NRIP1: variants seen among roughly 807,000 people sequenced by gnomAD.
The protein encoded by NRIP1 is nuclear receptor interacting protein 1.
A neutral mutation model predicts 75.0 loss-of-function variants in NRIP1; 28 were observed. The observed-to-expected ratio is 0.37, with a 90% confidence interval of 0.28 to 0.51. The LOEUF is 0.51. Among genes scored for constraint, NRIP1 ranks in the 20% least tolerant of loss-of-function variants. The pLI is 0.92. For missense variants in NRIP1, 1,435 were observed against 1,343.7 expected (o/e 1.07, Z -1.06); for synonymous variants, 526 against 487.6 (o/e 1.08, Z -1.04).
chr21:14,988,535 C>A (rs2087476201), intron 3 of NRIP1, among the ~76,000 whole-genome samples: 1 of 125,496 alleles, frequency 8.0e-6, no homozygotes, highest in South Asian at 2.5e-4. Context: ...ATATATATAT[C>A]CTGAAAAACT....
intron 3 of NRIP1, among the ~76,000 whole-genome samples, chr21:15,008,149 G>C (rs780515362): frequency 3.3e-5 from 5 of 152,182 alleles, no homozygotes; most frequent in Non-Finnish European, 7.3e-5. Context: ...GCCAAGGTAA[G>C]AGAGTAGGGA....
chr21:15,044,504 T>C (rs1006015331), intron 1 of NRIP1, among the ~76,000 whole-genome samples: 1 of 151,490 alleles, frequency 6.6e-6, no homozygotes, highest in African/African-American at 2.4e-5. Flanking sequence ...ATAAGGGAGG[T>C]ACCATGCGAA....
chr21:15,042,935 A>T (rs1006655762), intron 2 of NRIP1, among the ~76,000 whole-genome samples: 2 of 152,226 alleles, frequency 1.3e-5, no homozygotes, highest in African/African-American at 4.8e-5. Context: ...CTACAAGCAG[A>T]TAAATTATTA....
intron 2 of NRIP1, among the ~76,000 whole-genome samples, chr21:15,017,541 A>G (rs2088265421): frequency 6.6e-6 from 1 of 152,214 alleles, no homozygotes; most frequent in Admixed American, 6.5e-5. Context: ...ATAATCTTAA[A>G]AAAACCCTGT....
At chr21:15,021,151 A>C (rs148950023) in intron 2 of NRIP1, among the ~76,000 whole-genome samples, 1 of 152,372 alleles carries the variant, frequency 6.6e-6, no homozygotes, top group Non-Finnish European at 1.5e-5. Flanking sequence ...CAAAAACTGT[A>C]AACAAAACAA....
At chr21:14,983,319 T>G (rs2087298706) in intron 3 of NRIP1, among the ~76,000 whole-genome samples, 2 of 152,180 alleles carry the variant, frequency 1.3e-5, no homozygotes, top group Non-Finnish European at 2.9e-5. Context: ...AAAGCTTTTG[T>G]GGTCTGGATT....
intron 1 of NRIP1, among the ~76,000 whole-genome samples, chr21:15,061,446 T>C (rs961493200): frequency 6.6e-6 from 1 of 152,082 alleles, no homozygotes; most frequent in Non-Finnish European, 1.5e-5. Flanking sequence ...TCCAAAGATC[T>C]AGACAGTGTT....
rs202084603 is a variant in NRIP1 at position 14,965,043 on chromosome 21, C to T, written c.3150G>A (p.Glu1050=). Residue 1050 remains glutamate (E), a synonymous_variant, in exon 4 of 4, where the codon GAG becomes GAA. Coordinates refer to ENST00000318948, the MANE Select transcript of NRIP1 (RefSeq NM_003489.4). ...GAGAGTCTTTTTCATACTCATTCTTCTCCGCATCAGTGATAACCCACTTAA... is the reference window on the plus strand; with the variant it reads ...GAGAGTCTTTTTCATACTCATTCTTTTCCGCATCAGTGATAACCCACTTAA... ...GPIKWVITDA[E]KNEYEKDSPR... The T allele has an allele frequency of 1.7e-5, 27 of 1,613,822 alleles. No homozygotes were observed. Among genetic ancestry groups the T allele is most frequent in the Non-Finnish European group, 2.1e-5 (25 of 1,179,932 alleles).
rs747488350 is a variant in NRIP1, at chr21:14,968,047, T to C, written c.146A>G (p.Gln49Arg). Residue 49 changes from glutamine to arginine, a missense_variant, in exon 4 of 4, where the codon CAG becomes CGG. Gln to Arg is a conservative substitution (Grantham distance 43). Transcript: ENST00000318948. ...TGCACTGCCAGAAATGTTAAAGTTC[T>C]GATCCTCTTCATTATGCCCAGCAGA... ...KKSAGHNEED[Q>R]NFNISGSAFP... is the part of the protein sequence containing the mutation. The C allele has an allele frequency of 1.2e-6, 2 of 1,614,088 alleles. No homozygotes were observed. Among genetic ancestry groups the C allele is most frequent in the African/African-American group, 1.3e-5 (1 of 75,056 alleles).
intron 3 of NRIP1, among the ~76,000 whole-genome samples, chr21:14,990,620 A>C (rs972233229): frequency 6.6e-6 from 1 of 152,234 alleles, no homozygotes; most frequent in Non-Finnish European, 1.5e-5. Context: ...ATGAAATCTT[A>C]AAAGAGATGC....
chr21:15,063,460 C>A (rs1568742581), intron 1 of NRIP1, among the ~76,000 whole-genome samples: 1 of 152,150 alleles, frequency 6.6e-6, no homozygotes, highest in Non-Finnish European at 1.5e-5. Context: ...CTGAATAATG[C>A]CACCCACTTA....
rs1296825086 is a variant in NRIP1, at chr21:14,966,900, A to G, written c.1293T>C (p.Asp431=). The G allele has an allele frequency of 6.2e-7, 1 of 1,614,140 alleles. No homozygotes were observed. The highest frequency in any genetic ancestry group is 8.5e-7 in the Non-Finnish European group (1 of 1,180,006). The stretch of plus-strand genomic sequence containing the variant: ...GAACACAGTTGGAATAAGAACTTTC[A>G]TCACCACTGCTGTCATCTGTAAAAC... The part of the protein sequence containing the change: ...NPSFTDDSSG[D]ESSYSNCVPI... Residue 431 remains aspartate (D), a synonymous_variant, in exon 4 of 4, where the codon GAT becomes GAC. Transcript: ENST00000318948.
At chr21:14,996,436 G>C (rs1056158887) in intron 3 of NRIP1, among the ~76,000 whole-genome samples, 2 of 152,082 alleles carry the variant, frequency 1.3e-5, no homozygotes, top group African/African-American at 4.8e-5. Context: ...CTTTCTTATG[G>C]CTGCCTCCTT....
intron 1 of NRIP1, among the ~76,000 whole-genome samples, chr21:15,061,967 C>A (rs2147434622): frequency 6.6e-6 from 1 of 152,332 alleles, no homozygotes; most frequent in South Asian, 2.1e-4. Flanking sequence ...CTGTCACCTT[C>A]TATCAAACTC....
intron 2 of NRIP1, among the ~76,000 whole-genome samples, chr21:15,035,511 A>C (rs527302244): frequency 2.6e-5 from 4 of 152,250 alleles, no homozygotes; most frequent in African/African-American, 9.6e-5. Flanking sequence ...AAAACTAAGA[A>C]AATAGCTTTC....
At chr21:14,995,975 C>T (rs1392393709) in intron 3 of NRIP1, among the ~76,000 whole-genome samples, 2 of 152,154 alleles carry the variant, frequency 1.3e-5, no homozygotes, top group African/African-American at 4.8e-5. Context: ...GTGCATCTGA[C>T]CAACCTTATC....
At chr21:15,021,422 T>C (rs1446682457) in intron 2 of NRIP1, among the ~76,000 whole-genome samples, 1 of 152,042 alleles carries the variant, frequency 6.6e-6, no homozygotes, top group African/African-American at 2.4e-5. Context: ...GAACAGAGAT[T>C]GGAAATGGGC....
At chr21:14,975,450 G>A (rs1189108264) in intron 3 of NRIP1, among the ~76,000 whole-genome samples, 1 of 151,476 alleles carries the variant, frequency 6.6e-6, no homozygotes, top group Non-Finnish European at 1.5e-5. Flanking sequence ...AGTATAATGG[G>A]CTCTAAGAAA....
chr21:15,049,889 AAG>A (rs1473760216), intron 1 of NRIP1, among the ~76,000 whole-genome samples: 1 of 152,142 alleles, frequency 6.6e-6, no homozygotes, highest in Non-Finnish European at 1.5e-5. Flanking sequence ...CTACTCCACA[AAG>A]AACACACAGA....
Sources: allele counts gnomAD v4.1 joint callset (sites outside exome capture counted in the v4.1 genomes callset), GRCh38; gene constraint gnomAD v4.1.1; transcripts MANE v1.5; gene names NCBI Gene and HGNC (gene_info 2026-07-23, HGNC 2026-07-21).